The following ITPR2 variants were observed in gnomAD, a reference collection of about 807,000 sequenced individuals.
ITPR2 encodes the protein inositol 1,4,5-trisphosphate-gated calcium channel ITPR2.
Under a neutral mutation model 317.1 loss-of-function variants are expected in ITPR2, and 207 were observed. The ratio of observed to expected loss-of-function variants is 0.65; its 90% CI spans 0.58 to 0.73. The LOEUF (loss-of-function observed/expected upper bound fraction) is 0.73. ITPR2 is among the 30% of genes least tolerant of loss of function. The pLI, the probability that ITPR2 is intolerant of heterozygous loss-of-function variation, is 0.00. For synonymous variants in ITPR2, 1,156 were observed against 1,149.1 expected, an observed-to-expected ratio of 1.01 and a Z score of -0.12; for missense variants, 2,613 against 3,284.0, an observed-to-expected ratio of 0.80 and a Z score of 4.99.
At chr12:26,434,946 C>T (rs757073045) in intron 48 of ITPR2, among the ~76,000 whole-genome samples, 1 of 152,156 alleles carries the variant, frequency 6.6e-6, no homozygotes, top group South Asian at 2.1e-4. Flanking sequence ...AAGAGAATGC[C>T]GTTTTTACTT....
At chr12:26,650,780 C>T (rs988809916) in intron 21 of ITPR2, among the ~76,000 whole-genome samples, 1 of 152,122 alleles carries the variant, frequency 6.6e-6, no homozygotes, top group African/African-American at 2.4e-5. Context: ...GTGTTATGTA[C>T]CCTCTGGGAG....
chr12:26,609,281 T>C (rs1946209602), intron 26 of ITPR2, among the ~76,000 whole-genome samples: 1 of 152,188 alleles, frequency 6.6e-6, no homozygotes, highest in Non-Finnish European at 1.5e-5. Context: ...TATGGGTACA[T>C]AGAATCTTCA....
At chr12:26,785,112 A>G (rs1592128963) in intron 2 of ITPR2, among the ~76,000 whole-genome samples, 1 of 37,634 alleles carries the variant, frequency 2.7e-5, no homozygotes. Context: ...TCCGGCAGCC[A>G]CCCCGTCTGG....
At chr12:26,764,329 C>A (rs1592106217) in intron 2 of ITPR2, among the ~76,000 whole-genome samples, 2 of 151,982 alleles carry the variant, frequency 1.3e-5, no homozygotes, top group African/African-American at 4.8e-5. Flanking sequence ...AAGGCACAAT[C>A]CGTGAAAGAA....
Position 26,624,287 on chromosome 12 carries a change from A to T in ITPR2, c.3122+12T>A. 1 of 1,558,062 alleles carries T rather than the reference A, an allele frequency of 6.4e-7. No individual in the cohort carries two copies. Among genetic ancestry groups the T allele is most frequent in the Non-Finnish European group, 8.8e-7 (1 of 1,133,790 alleles). On this transcript the variant is annotated intron_variant, in intron 24 of 56. Coordinates refer to ENST00000381340, the MANE Select transcript of ITPR2 (RefSeq NM_002223.4). ...TCACAAGTAAGATAAAGATATATAA[A>T]TGTTACTATACCTTCCCGCAAACAT... is the stretch of plus-strand genomic sequence containing the variant.
At chr12:26,743,398 C>T (rs1435180071) in intron 2 of ITPR2, among the ~76,000 whole-genome samples, 1 of 151,922 alleles carries the variant, frequency 6.6e-6, no homozygotes, top group Non-Finnish European at 1.5e-5. Flanking sequence ...ATCAAGCTTA[C>T]ATTTAATACA....
intron 37 of ITPR2, among the ~76,000 whole-genome samples, chr12:26,521,330 T>C (rs1241899673): frequency 1.3e-5 from 2 of 152,302 alleles, no homozygotes; most frequent in East Asian, 3.9e-4. Context: ...TTATGTAATA[T>C]AAAGAGTAAA....
chr12:26,541,897 A>G (rs1434023053), intron 37 of ITPR2, among the ~76,000 whole-genome samples: 1 of 152,006 alleles, frequency 6.6e-6, no homozygotes, highest in African/African-American at 2.4e-5. Context: ...AAAAAAAAAA[A>G]GAGGACATCT....
At position 26,396,084 on chromosome 12, in the gene ITPR2, G is replaced by C. The variant is rs76752702; in HGVS notation, c.7696+2792C>G. 4.4e-3 allele frequency among the ~76,000 whole-genome samples: 667 copies of C among 152,200 alleles called. 4 individuals carry two copies. The highest frequency in any genetic ancestry group is 0.016 in the African/African-American group (644 of 41,516). Reference sequence around the variant, plus strand: ...AGGTGAGGTGACCCAAGGGAAGAAAGAATCATCCTTGGAAAGCCTGAAGGA... The same window carrying C: ...AGGTGAGGTGACCCAAGGGAAGAAACAATCATCCTTGGAAAGCCTGAAGGA... On this transcript the variant is annotated intron_variant, in intron 54 of 56. Transcript: ENST00000381340.
At chr12:26,619,127 A>G (rs17477122) in intron 26 of ITPR2, among the ~76,000 whole-genome samples, 16,155 of 152,276 alleles carry the variant, frequency 0.11, 1,080 homozygotes, top group Non-Finnish European at 0.15. Context: ...TGTTTAAAGA[A>G]ATAATGTCAC....
chr12:26,518,189 T>C (rs1363102042), intron 37 of ITPR2, among the ~76,000 whole-genome samples: 3 of 152,094 alleles, frequency 2.0e-5, no homozygotes, highest in Non-Finnish European at 4.4e-5. Flanking sequence ...TACACAGCCC[T>C]AAAAAAGAAT....
intron 37 of ITPR2, among the ~76,000 whole-genome samples, chr12:26,530,629 G>C (rs1220813625): frequency 6.6e-6 from 1 of 152,178 alleles, no homozygotes; most frequent in African/African-American, 2.4e-5. Flanking sequence ...TCTGCCTCGT[G>C]TAGGATTCTC....
chr12:26,567,938 T>G (rs544672363), intron 34 of ITPR2, among the ~76,000 whole-genome samples: 1 of 50,938 alleles, frequency 2.0e-5, no homozygotes. Context: ...AAAATTCTGG[T>G]ATATATATAT....
chr12:26,681,105 C>T (rs754019254), intron 13 of ITPR2, among the ~76,000 whole-genome samples: 2 of 152,154 alleles, frequency 1.3e-5, no homozygotes, highest in Non-Finnish European at 2.9e-5. Flanking sequence ...ACAGAGGATG[C>T]TTGTGCTTAG....
intron 55 of ITPR2, among the ~76,000 whole-genome samples, chr12:26,377,013 G>A (rs1325657607): frequency 1.3e-5 from 2 of 152,166 alleles, no homozygotes; most frequent in South Asian, 2.1e-4. Flanking sequence ...ACAGGCATGA[G>A]CCACCATGCC....
chr12:26,775,163 T>A (rs1794244034), intron 2 of ITPR2, among the ~76,000 whole-genome samples: 1 of 152,226 alleles, frequency 6.6e-6, no homozygotes, highest in Admixed American at 6.5e-5. Flanking sequence ...TATACTATCC[T>A]AATCTATTGC....
At chr12:26,642,591 A>C (rs1947016511) in intron 21 of ITPR2, among the ~76,000 whole-genome samples, 1 of 152,072 alleles carries the variant, frequency 6.6e-6, no homozygotes, top group African/African-American at 2.4e-5. Context: ...TACATTACCC[A>C]GTCTCAGGCA....
At chr12:26,786,449 TAA>T (rs59014121) in intron 2 of ITPR2, among the ~76,000 whole-genome samples, 2,086 of 119,186 alleles carry the variant, frequency 0.018, 29 homozygotes, top group African/African-American at 0.049. Flanking sequence ...GAATGATCAA[TAA>T]AAAAAAAAAA....
rs764964112 is a variant in ITPR2, at chr12:26,832,731, C to T, written c.51G>A (p.Leu17=). The change falls in exon 1 of 57, where the codon CTG becomes CTA. Residue 17 remains leucine, a synonymous_variant. Transcript: ENST00000381340. Reference sequence around the variant, plus strand: ...AGCCGTTGACCGAGCCCTCCGCGTACAGGGACACGATGTCCCCTATGTAGA... The same window carrying T: ...AGCCGTTGACCGAGCCCTCCGCGTATAGGGACACGATGTCCCCTATGTAGA... ...SFLYIGDIVS[L]YAEGSVNGFI... 54 of 1,601,326 alleles carry T rather than the reference C, an allele frequency of 3.4e-5. No individual in the cohort carries two copies. The highest frequency in any genetic ancestry group is 4.4e-5 in the Non-Finnish European group (52 of 1,174,748).
Sources: gnomAD v4.1 joint callset for allele counts (sites outside exome capture counted in the v4.1 genomes callset) on GRCh38, gnomAD v4.1.1 for gene constraint, MANE v1.5 for transcripts, NCBI Gene and HGNC (gene_info 2026-07-23, HGNC 2026-07-21) for gene names.